Variants in UBAP2 observed in about 807,000 individuals in gnomAD.
UBAP2 encodes ubiquitin-associated protein 2.
UBAP2 carries 75 observed loss-of-function variants against 139.6 expected under a neutral mutation model. The observed-to-expected ratio is 0.54, with a 90% confidence interval of 0.45 to 0.65. The LOEUF (loss-of-function observed/expected upper bound fraction) is 0.65. Ranked by LOEUF, UBAP2 falls within the 30% of genes least tolerant of loss-of-function variation. The pLI is 0.00. For synonymous variants in UBAP2, 526 were observed against 526.2 expected (o/e 1.00, Z 0.01); for missense variants, 1,368 against 1,369.6 (o/e 1.00, Z 0.02).
rs762193093 is a variant in UBAP2, at chr9:33,932,549, C to T, written c.2175+13G>A. On this transcript the variant is annotated intron_variant, in intron 19 of 28. Coordinates refer to ENST00000379238, the MANE Select transcript of UBAP2 (RefSeq NM_001370062.2). The stretch of plus-strand genomic sequence containing the variant: ...AGCATGGCGGAGGAAGAGGAAGCCG[C>T]GCAGACACTTACTGTGTGTGACGTG... 1.3e-5 allele frequency: 21 copies of T among 1,613,526 alleles called. No individual in the cohort carries two copies. The highest frequency in any genetic ancestry group is 1.1e-4 in the East Asian group (5 of 44,884).
chr9:34,040,977 TC>T (rs1368931292), intron 1 of UBAP2, among the ~76,000 whole-genome samples: 103 of 152,228 alleles, frequency 6.8e-4, no homozygotes, highest in African/African-American at 2.5e-3. Context: ...AACCAAAAAT[TC>T]CACTCTCAGT....
chr9:33,925,017 G>A (rs1823298805), intron 22 of UBAP2, among the ~76,000 whole-genome samples: 1 of 152,248 alleles, frequency 6.6e-6, no homozygotes, highest in Admixed American at 6.5e-5. Flanking sequence ...CCTGGCCCAG[G>A]ACTTGGGGGA....
At chr9:34,007,625 T>G (rs1823340182) in intron 2 of UBAP2, among the ~76,000 whole-genome samples, 1 of 151,574 alleles carries the variant, frequency 6.6e-6, no homozygotes, top group Non-Finnish European at 1.5e-5. Context: ...CATATGTTTT[T>G]TGTCCTTGTA....
intron 13 of UBAP2, among the ~76,000 whole-genome samples, chr9:33,945,652 A>T (rs1825605195): frequency 6.6e-6 from 1 of 152,240 alleles, no homozygotes; most frequent in South Asian, 2.1e-4. Flanking sequence ...ATCACAATAT[A>T]TATAGACAGA....
intron 8 of UBAP2, chr9:33,968,487 G>T: frequency 1.9e-6 from 1 of 539,332 alleles, no homozygotes; most frequent in South Asian, 1.5e-5. Context: ...GGACATTTGA[G>T]CACTAATGGG....
rs2130848535 is a variant in UBAP2 at position 33,923,824 on chromosome 9, T to C, written c.2767A>G (p.Ser923Gly). 2 of 1,614,150 alleles carry C rather than the reference T, an allele frequency of 1.2e-6. No homozygotes were observed. The highest frequency in any genetic ancestry group is 1.7e-6 in the Non-Finnish European group (2 of 1,180,022). The change falls in exon 24 of 29, where the codon AGT becomes GGT. Residue 923 changes from serine to glycine, a missense_variant. Ser to Gly is a moderately conservative substitution (Grantham distance 56). Transcript: ENST00000379238. ...ATGGTGGGGCCATACTGGAAGGCAC[T>C]GGGCATGCCTGTGTAGTAGGGAAGA... The part of the protein sequence containing the change: ...TGLPYYTGMP[S>G]AFQYGPTMFV...
chr9:34,001,455 ACTAGACTTAGAGT>A (rs1452280570), intron 2 of UBAP2, among the ~76,000 whole-genome samples: 1 of 152,206 alleles, frequency 6.6e-6, no homozygotes, highest in Non-Finnish European at 1.5e-5. Flanking sequence ...GGTTGGTAAA[ACTAGACTTAGAGT>A]CACAAGAGTT....
intron 2 of UBAP2, among the ~76,000 whole-genome samples, chr9:34,015,906 C>G (rs905005043): frequency 2.0e-5 from 3 of 151,558 alleles, no homozygotes; most frequent in Non-Finnish European, 2.9e-5. Flanking sequence ...TGGGCTCAAG[C>G]AACCCTTTTG....
intron 1 of UBAP2, among the ~76,000 whole-genome samples, chr9:34,026,170 G>A (rs550515409): frequency 6.6e-6 from 1 of 152,230 alleles, no homozygotes; most frequent in African/African-American, 2.4e-5. Flanking sequence ...ACTGAGAAGA[G>A]GGAAGATTTC....
At chr9:34,004,424 G>T (rs918748350) in intron 2 of UBAP2, among the ~76,000 whole-genome samples, 1 of 152,000 alleles carries the variant, frequency 6.6e-6, no homozygotes, top group African/African-American at 2.4e-5. Flanking sequence ...GGTCAAGGTT[G>T]CAGTGAGCCA....
intron 2 of UBAP2, among the ~76,000 whole-genome samples, chr9:34,004,930 A>C (rs947068314): frequency 3.3e-5 from 5 of 152,014 alleles, no homozygotes; most frequent in African/African-American, 9.7e-5. Flanking sequence ...AAACATTTAA[A>C]AATCAGACAC....
At chr9:34,040,177 A>C (rs1826935801) in intron 1 of UBAP2, among the ~76,000 whole-genome samples, 1 of 150,706 alleles carries the variant, frequency 6.6e-6, no homozygotes, top group Non-Finnish European at 1.5e-5. Context: ...AAAAAAAATT[A>C]GCCAGGTGTG....
chr9:33,941,865 GAA>G lies in UBAP2; in HGVS notation c.1716-5_1716-4del. The G allele has an allele frequency of 6.3e-7, 1 of 1,596,798 alleles. No individual in the cohort carries two copies. Among genetic ancestry groups the G allele is most frequent in the Non-Finnish European group, 8.6e-7 (1 of 1,168,376 alleles). On this transcript the variant is annotated splice_region_variant and splice_polypyrimidine_tract_variant and intron_variant, in intron 15 of 28. Transcript: ENST00000379238. ...ATAAAGATGTATTCAAAGGCTCACT[GAA>G]AAGAGTCAAAAATATTCAACATAAT...
At chr9:33,940,877 C>G (rs1227031176) in intron 16 of UBAP2, among the ~76,000 whole-genome samples, 1 of 152,166 alleles carries the variant, frequency 6.6e-6, no homozygotes, top group East Asian at 1.9e-4. Context: ...ATTAAGATAT[C>G]CACATTGTAA....
chr9:33,932,235 C>T (rs1333233447), intron 19 of UBAP2, among the ~76,000 whole-genome samples: 2 of 152,140 alleles, frequency 1.3e-5, no homozygotes, highest in Admixed American at 6.5e-5. Flanking sequence ...TTCTTGCAAT[C>T]TCTGCGTCTG....
At chr9:34,037,438 A>G (rs937026704) in intron 1 of UBAP2, among the ~76,000 whole-genome samples, 1 of 152,190 alleles carries the variant, frequency 6.6e-6, no homozygotes, top group Non-Finnish European at 1.5e-5. Context: ...CCCAGCCCAT[A>G]TACTACCTTA....
chr9:34,017,007 GA>G, intron 2 of UBAP2, 42 bp downstream of exon 2: 3 of 1,232,458 alleles, frequency 2.4e-6, no homozygotes, highest in Non-Finnish European at 3.2e-6. Context: ...AATAATAAAA[GA>G]AAAAAAAGGA....
intron 2 of UBAP2, among the ~76,000 whole-genome samples, chr9:33,999,853 CGTATGTATGTATGTATGTAT>C (rs67444158): frequency 7.9e-4 from 109 of 138,272 alleles, no homozygotes; most frequent in African/African-American, 2.7e-3. Flanking sequence ...GGGATTACTA[CGTATGTATGTATGTATGTAT>C]GTATGTATGT....
intron 1 of UBAP2, among the ~76,000 whole-genome samples, chr9:34,027,830 C>T (rs1361955896): frequency 6.7e-6 from 1 of 149,660 alleles, no homozygotes; most frequent in Non-Finnish European, 1.5e-5. Context: ...CCACTGCACT[C>T]CAGGCTGGGC....
Sources: allele counts gnomAD v4.1 joint callset (sites outside exome capture counted in the v4.1 genomes callset), GRCh38; gene constraint gnomAD v4.1.1; transcripts MANE v1.5; gene names NCBI Gene and HGNC (gene_info 2026-07-23, HGNC 2026-07-21).